TPM3: variants seen among roughly 807,000 people sequenced by gnomAD.
TPM3 encodes tropomyosin alpha-3 chain.
Under a neutral mutation model 43.1 loss-of-function variants are expected in TPM3, and 16 were observed. The ratio of observed to expected loss-of-function variants is 0.37; its 90% confidence interval spans 0.25 to 0.56. The LOEUF (loss-of-function observed/expected upper bound fraction) is 0.56. Ranked by LOEUF, TPM3 falls within the 20% of genes least tolerant of loss-of-function variation. TPM3 has a pLI of 0.77. For missense variants in TPM3, 176 were observed against 337.2 expected, an observed-to-expected ratio of 0.52 and a Z score of 3.74; for synonymous variants, 101 against 116.9, an observed-to-expected ratio of 0.86 and a Z score of 0.88.
At chr1:154,185,577 G>A (rs1663379956) in intron 2 of TPM3, among the ~76,000 whole-genome samples, 1 of 150,048 alleles carries the variant, frequency 6.7e-6, no homozygotes, top group South Asian at 2.1e-4. Flanking sequence ...AGGTGCAGTA[G>A]CAGGCGCCTG....
At chr1:154,186,027 A>G (rs1446666292) in intron 2 of TPM3, among the ~76,000 whole-genome samples, 1 of 151,572 alleles carries the variant, frequency 6.6e-6, no homozygotes, top group African/African-American at 2.4e-5. Flanking sequence ...CTGTTTTCCT[A>G]TCACCTTTTG....
chr1:154,158,066 C>G (rs909963628), downstream of TPM3, among the ~76,000 whole-genome samples: 3 of 152,184 alleles, frequency 2.0e-5, no homozygotes, highest in African/African-American at 7.2e-5. Context: ...TAACAATACC[C>G]TCTTGAAATG....
chr1:154,191,579 G>A (rs1225473635), intron 1 of TPM3: 67 of 1,362,612 alleles, frequency 4.9e-5, no homozygotes, highest in Non-Finnish European at 6.2e-5. Flanking sequence ...GTAGATGCCC[G>A]TGATGCTATT....
At chr1:154,182,413 A>AGGGC (rs1421200957) in intron 2 of TPM3, among the ~76,000 whole-genome samples, 1 of 152,164 alleles carries the variant, frequency 6.6e-6, no homozygotes, top group Non-Finnish European at 1.5e-5. Context: ...CCAGGGAGGG[A>AGGGC]GGGCACCGCG....
downstream of TPM3, chr1:154,157,008 T>C (rs1659879803): frequency 5.0e-6 from 1 of 200,078 alleles, no homozygotes; most frequent in Non-Finnish European, 1.0e-5. Context: ...AAATAAAAAA[T>C]AGAAATAACA....
In TPM3 at chr1:154,163,973, T is replaced by C. The variant is rs1660679536; in HGVS notation, c.*3964A>G. 6.6e-6 allele frequency among the ~76,000 whole-genome samples: 1 copy of C among 151,896 alleles called. No individual in the cohort carries two copies. The highest frequency in any genetic ancestry group is 1.5e-5 in the Non-Finnish European group (1 of 67,962). On this transcript the variant is annotated 3_prime_UTR_variant, in exon 10 of 10. Transcript: ENST00000651641. Reference sequence around the variant, plus strand: ...TGCAATTGTCCTTCATGGTTCTAATTTACCTCCATGGCATAAACTACCTGT... The same window carrying C: ...TGCAATTGTCCTTCATGGTTCTAATCTACCTCCATGGCATAAACTACCTGT...
chr1:154,173,566 A>G (rs1186208719), intron 3 of TPM3, among the ~76,000 whole-genome samples: 1 of 151,988 alleles, frequency 6.6e-6, no homozygotes, highest in Non-Finnish European at 1.5e-5. Context: ...TGGGAGGCTC[A>G]GGCAGGAGAA....
downstream of TPM3, among the ~76,000 whole-genome samples, chr1:154,161,686 G>A (rs926045634): frequency 6.6e-6 from 1 of 151,522 alleles, no homozygotes; most frequent in Non-Finnish European, 1.5e-5. Flanking sequence ...CAGGTGATCT[G>A]CCCGCCTCCC....
intron 2 of TPM3, among the ~76,000 whole-genome samples, chr1:154,190,869 A>T (rs1474962956): frequency 6.6e-6 from 1 of 152,208 alleles, no homozygotes; most frequent in African/African-American, 2.4e-5. Context: ...AGGATAAGTG[A>T]CAGCATTCTG....
At position 154,167,894 on chromosome 1, in the gene TPM3, G is replaced by A; in HGVS notation, c.*43C>T. Reference sequence around the variant, plus strand: ...AGAGTGGGGCCTTGGGTTCCCCGAGGAGTAAAGGGGGCAGATCCAGAACAG... The same window carrying A: ...AGAGTGGGGCCTTGGGTTCCCCGAGAAGTAAAGGGGGCAGATCCAGAACAG... On this transcript the variant is annotated 3_prime_UTR_variant, in exon 10 of 10. Transcript: ENST00000651641. 3.1e-6 allele frequency: 5 copies of A among 1,614,036 alleles called. No individual in the cohort carries two copies. Among genetic ancestry groups the A allele is most frequent in the Non-Finnish European group, 4.2e-6 (5 of 1,179,950 alleles).
intron 5 of TPM3, 141 bp downstream of exon 5, chr1:154,172,767 A>C: frequency 9.4e-7 from 1 of 1,060,872 alleles, no homozygotes. Flanking sequence ...TCTTGGGCCT[A>C]AAAAAGCACT....
At chr1:154,190,401 T>C (rs928189259) in intron 2 of TPM3, among the ~76,000 whole-genome samples, 2 of 152,212 alleles carry the variant, frequency 1.3e-5, no homozygotes, top group Admixed American at 1.3e-4. Context: ...TCATTTATCT[T>C]TGCAGCAAAC....
At chr1:154,174,766 T>C (rs1662107743) in intron 3 of TPM3, among the ~76,000 whole-genome samples, 1 of 150,036 alleles carries the variant, frequency 6.7e-6, no homozygotes, top group Non-Finnish European at 1.5e-5. Context: ...AGTGCTGGGA[T>C]TACAGGTGTG....
At chr1:154,183,277 A>C (rs1219230922) in intron 2 of TPM3, 30 of 1,514,210 alleles carry the variant, frequency 2.0e-5, no homozygotes, top group Non-Finnish European at 2.5e-5. Context: ...TCCCACCGCC[A>C]GGCAGGCGGG....
intron 2 of TPM3, chr1:154,182,933 C>G: frequency 1.9e-6 from 3 of 1,608,328 alleles, no homozygotes; most frequent in Non-Finnish European, 2.5e-6. Context: ...CCTTATTCCG[C>G]TTGCCGGATA....
chr1:154,174,237 A>G (rs1349561002), intron 3 of TPM3, among the ~76,000 whole-genome samples: 1 of 150,492 alleles, frequency 6.6e-6, no homozygotes, highest in Non-Finnish European at 1.5e-5. Context: ...AGGGAAGCTG[A>G]AGCATGAGAA....
At chr1:154,188,676 A>G (rs1019805760) in intron 2 of TPM3, among the ~76,000 whole-genome samples, 10 of 140,332 alleles carry the variant, frequency 7.1e-5, no homozygotes, top group Non-Finnish European at 1.2e-4. Context: ...CTCCGTCTCA[A>G]AAAAAAAAAA....
Position 154,166,647 on chromosome 1 carries a change from A to C in TPM3, c.*1290T>G. ...TTGGATTAGTATAATTCACAGCTAT[A>C]CTATTAAGAAATCTCTGCTGTGTAA... On this transcript the variant is annotated 3_prime_UTR_variant, in exon 10 of 10. Coordinates refer to ENST00000651641, the MANE Select transcript of TPM3 (RefSeq NM_152263.4). 1.9e-6 allele frequency: 2 copies of C among 1,034,134 alleles called. No individual in the cohort carries two copies. Among genetic ancestry groups the C allele is most frequent in the African/African-American group, 1.7e-5 (1 of 59,388 alleles). 64.1% of individuals were successfully genotyped at this position (1,034,134 alleles called of 1,614,324 possible).
chr1:154,156,919 A>G (rs1220463553), downstream of TPM3: 4 of 197,636 alleles, frequency 2.0e-5, no homozygotes, highest in African/African-American at 9.2e-5. Flanking sequence ...TTCTGTAAGC[A>G]GTTGTGAGGG....
Sources: allele counts gnomAD v4.1 joint callset (sites outside exome capture counted in the v4.1 genomes callset), GRCh38; gene constraint gnomAD v4.1.1; transcripts MANE v1.5; gene names NCBI Gene and HGNC (gene_info 2026-07-23, HGNC 2026-07-21).